Variants in GRIN3A observed in about 807,000 individuals in gnomAD.
GRIN3A encodes the protein glutamate ionotropic receptor NMDA type subunit 3A, also known as glutamate receptor ionotropic, NMDA 3A.
A neutral mutation model predicts 92.4 loss-of-function variants in GRIN3A; 47 were observed. The ratio of observed to expected loss-of-function variants is 0.51; its 90% CI spans 0.40 to 0.65. The LOEUF (loss-of-function observed/expected upper bound fraction) is 0.65, where lower values mean the gene tolerates loss of function less well. Among genes scored for constraint, GRIN3A ranks in the 30% least tolerant of loss-of-function variants. GRIN3A has a pLI of 0.00. For missense variants in GRIN3A, 1,324 were observed against 1,393.1 expected, an observed-to-expected ratio of 0.95 and a Z score of 0.79; for synonymous variants, 527 against 540.6, an observed-to-expected ratio of 0.97 and a Z score of 0.35.
intron 3 of GRIN3A, among the ~76,000 whole-genome samples, chr9:101,652,523 G>T (rs779246773): frequency 7.2e-5 from 11 of 151,978 alleles, no homozygotes; most frequent in Admixed American, 5.3e-4. Context: ...AGAGCCAGTA[G>T]TAGGTCCCAA....
chr9:101,710,273 T>A (rs1298031341), intron 1 of GRIN3A, among the ~76,000 whole-genome samples: 10 of 152,170 alleles, frequency 6.6e-5, no homozygotes, highest in Admixed American at 6.5e-4. Context: ...AAATGACAGA[T>A]AGTAGCTATT....
chr9:101,665,996 C>T (rs1316295281), intron 3 of GRIN3A, among the ~76,000 whole-genome samples: 2 of 151,856 alleles, frequency 1.3e-5, no homozygotes, highest in African/African-American at 4.8e-5. Flanking sequence ...CATATGATTC[C>T]CATAGTCACC....
chr9:101,721,240 T>C (rs1830009333), intron 1 of GRIN3A, among the ~76,000 whole-genome samples: 1 of 152,292 alleles, frequency 6.6e-6, no homozygotes. Flanking sequence ...TCTGATGAGT[T>C]TATCAGGGGT....
intron 4 of GRIN3A, among the ~76,000 whole-genome samples, chr9:101,624,584 A>G (rs1588254632): frequency 6.6e-6 from 1 of 152,184 alleles, no homozygotes. Flanking sequence ...ATAGTATTCC[A>G]TGGTGTATAT....
chr9:101,582,518 G>A (rs763774055), intron 6 of GRIN3A, among the ~76,000 whole-genome samples: 1 of 152,190 alleles, frequency 6.6e-6, no homozygotes, highest in Non-Finnish European at 1.5e-5. Context: ...GGCTTCAGAG[G>A]TACTAGGGAT....
intron 1 of GRIN3A, among the ~76,000 whole-genome samples, chr9:101,708,222 C>T (rs1829834958): frequency 6.6e-6 from 1 of 152,108 alleles, no homozygotes; most frequent in Admixed American, 6.5e-5. Context: ...CACTAAGTAA[C>T]TAATGTGATC....
intron 1 of GRIN3A, among the ~76,000 whole-genome samples, chr9:101,698,340 C>T (rs1829707687): frequency 6.6e-6 from 1 of 152,074 alleles, no homozygotes; most frequent in African/African-American, 2.4e-5. Flanking sequence ...AAAGAATTTC[C>T]AAAGACTATT....
chr9:101,587,269 C>G (rs905890108), intron 6 of GRIN3A, among the ~76,000 whole-genome samples: 2 of 148,340 alleles, frequency 1.3e-5, no homozygotes, highest in Middle Eastern at 3.4e-3. Flanking sequence ...GAAATTGCAC[C>G]ACTGCAATCC....
intron 3 of GRIN3A, among the ~76,000 whole-genome samples, chr9:101,656,201 T>A (rs12352862): frequency 6.6e-6 from 1 of 151,766 alleles, no homozygotes; most frequent in African/African-American, 2.4e-5. Context: ...GTGCTGGTTT[T>A]GCACAAAGGT....
intron 3 of GRIN3A, among the ~76,000 whole-genome samples, chr9:101,656,443 A>G (rs10819965): frequency 0.34 from 51,009 of 151,580 alleles, 9,434 homozygotes; most frequent in Non-Finnish European, 0.41. Flanking sequence ...AGAACCAATT[A>G]TTAGACGTAG....
intron 1 of GRIN3A, among the ~76,000 whole-genome samples, chr9:101,698,471 T>A (rs539488046): frequency 6.6e-6 from 1 of 152,236 alleles, no homozygotes; most frequent in South Asian, 2.1e-4. Context: ...GGTAATTTCA[T>A]CATATGAACA....
rs550018761 is a variant in GRIN3A at position 101,623,555 on chromosome 9, C to A, written c.2499-122G>T. On this transcript the variant is annotated intron_variant, in intron 4 of 8. Coordinates refer to ENST00000361820, the MANE Select transcript of GRIN3A (RefSeq NM_133445.3). ...GAACACTAAGGGCCGCACAAGCTAC[C>A]TAGGTGCTGACTTAGCTGTCTTGGC... 1,047 of 724,338 alleles carry A rather than the reference C, an allele frequency of 1.4e-3. 2 individuals carry two copies. The highest frequency in any genetic ancestry group is 2.2e-3 in the Non-Finnish European group (874 of 404,144). The allele number at this position is 724,338 out of a possible 1,614,324, so 44.9% of individuals were successfully genotyped here.
chr9:101,714,212 G>A (rs1276144174), intron 1 of GRIN3A, among the ~76,000 whole-genome samples: 3 of 152,068 alleles, frequency 2.0e-5, no homozygotes, highest in African/African-American at 7.2e-5. Flanking sequence ...TACATAACAA[G>A]CAGGATAATT....
chr9:101,737,489 A>C lies in GRIN3A; in HGVS notation c.491T>G (p.Leu164Trp). Reference protein sequence around the residue: ...IEAGLGDLPLLPFSSPSSPWS... With the variant: ...IEAGLGDLPLWPFSSPSSPWS... The stretch of plus-strand genomic sequence containing the variant: ...TGGCGAACTAGGGGAGGAGAAGGGC[A>C]AAAGTGGCAGATCGCCCAGGCCTGC... The change falls in exon 1 of 9, where the codon TTG becomes TGG. Residue 164 changes from leucine to tryptophan, a missense_variant. Transcript: ENST00000361820. 1 of 1,614,254 alleles carries C rather than the reference A, an allele frequency of 6.2e-7. No homozygotes were observed. Among genetic ancestry groups the C allele is most frequent in the Non-Finnish European group, 8.5e-7 (1 of 1,180,044 alleles).
rs751851284 is a variant in GRIN3A, at chr9:101,737,403, C to A, written c.577G>T (p.Val193Leu). ...TGGGGGAAGGCGAGCAGCGCCGACA[C>A]CCCTTGCACCACCACGGTATGGCAC... ...SVCHTVVVQG[V>L]SALLAFPQSQ... is the part of the protein sequence containing the mutation. The change falls in exon 1 of 9, where the codon GTG (valine) becomes TTG (leucine). Residue 193 changes from valine (V) to leucine (L), a missense_variant. Val to Leu is a conservative substitution (Grantham distance 32). Transcript: ENST00000361820. 6.2e-7 allele frequency: 1 copy of A among 1,614,258 alleles called. No individual in the cohort carries two copies. The highest frequency in any genetic ancestry group is 8.5e-7 in the Non-Finnish European group (1 of 1,180,046).
chr9:101,665,915 A>G (rs544038632), intron 3 of GRIN3A, among the ~76,000 whole-genome samples: 1 of 152,078 alleles, frequency 6.6e-6, no homozygotes, highest in East Asian at 1.9e-4. Context: ...CATGCATGCT[A>G]ATTCTCATGG....
chr9:101,584,856 CG>C (rs1564118946), intron 6 of GRIN3A, among the ~76,000 whole-genome samples: 1 of 152,162 alleles, frequency 6.6e-6, no homozygotes, highest in East Asian at 1.9e-4. Flanking sequence ...ACAGCTGGCT[CG>C]AGTAGTGACT....
In GRIN3A at chr9:101,687,053, T is replaced by C. The variant is rs201493886; in HGVS notation, c.847A>G (p.Thr283Ala). The change falls in exon 2 of 9, where the codon ACC becomes GCC. Residue 283 changes from threonine (T) to alanine (A), a missense_variant. Thr to Ala is a moderately conservative substitution (Grantham distance 58). Coordinates refer to ENST00000361820, the MANE Select transcript of GRIN3A (RefSeq NM_133445.3). ...AGGTGGAACTTGGAATTATTCTGGG[T>C]AAGGAGGAGGAAGTCGGTGATGTTC... ...DWNITDFLLL[T>A]QNNSKFHLGS... 6.2e-7 allele frequency: 1 copy of C among 1,614,014 alleles called. No individual in the cohort carries two copies. The highest frequency in any genetic ancestry group is 1.3e-5 in the African/African-American group (1 of 74,986).
chr9:101,691,810 G>A (rs1212782080), intron 1 of GRIN3A, among the ~76,000 whole-genome samples: 2 of 152,158 alleles, frequency 1.3e-5, no homozygotes, highest in Admixed American at 6.5e-5. Flanking sequence ...TAGAGGTTAG[G>A]ACTTAGTAGT....
Sources: gnomAD v4.1 joint callset for allele counts (sites outside exome capture counted in the v4.1 genomes callset) on GRCh38, gnomAD v4.1.1 for gene constraint, MANE v1.5 for transcripts, NCBI Gene and HGNC (gene_info 2026-07-23, HGNC 2026-07-21) for gene names.